The following ABTB2 variants were observed in gnomAD, a reference collection of about 807,000 sequenced individuals.
ABTB2 encodes the protein ankyrin repeat and BTB domain containing 2.
In ABTB2, 56 loss-of-function variants were observed where a neutral mutation model predicts 104.1. The observed-to-expected ratio is 0.54, with a 90% CI of 0.43 to 0.67. ABTB2 has a LOEUF of 0.67. Ranked by LOEUF, ABTB2 falls within the 30% of genes least tolerant of loss-of-function variation. The probability of loss-of-function intolerance (pLI) is 0.00; values close to 1 mark genes in which losing one functional copy is unlikely to be tolerated. For missense variants in ABTB2, 1,279 were observed against 1,407.7 expected (o/e 0.91, Z 1.46); for synonymous variants, 606 against 608.2 (o/e 1.00, Z 0.05).
chr11:34,198,811 G>A (rs927459472), intron 2 of ABTB2, among the ~76,000 whole-genome samples: 4 of 152,226 alleles, frequency 2.6e-5, no homozygotes, highest in Non-Finnish European at 5.9e-5. Context: ...AGGAGCCCTG[G>A]CACCTGCAGG....
At chr11:34,193,444 T>C (rs1338933803) in intron 3 of ABTB2, among the ~76,000 whole-genome samples, 1 of 152,158 alleles carries the variant, frequency 6.6e-6, no homozygotes, top group Non-Finnish European at 1.5e-5. Context: ...CTCAGTGCTG[T>C]AGGATCAGGT....
intron 9 of ABTB2, 121 bp downstream of exon 9, chr11:34,164,565 C>T (rs536930201): frequency 1.0e-5 from 12 of 1,200,160 alleles, no homozygotes; most frequent in African/African-American, 1.6e-5. Context: ...AGCACACAGG[C>T]CCCCTGTTTT....
chr11:34,335,091 C>T, intron 1 of ABTB2: 1 of 1,012,952 alleles, frequency 9.9e-7, no homozygotes, highest in South Asian at 1.3e-5. Context: ...ACAAATAATA[C>T]AGCAAATGAA....
intron 3 of ABTB2, among the ~76,000 whole-genome samples, chr11:34,185,936 C>G (rs1403152017): frequency 1.3e-5 from 2 of 152,220 alleles, no homozygotes; most frequent in Non-Finnish European, 2.9e-5. Flanking sequence ...CATTGTACCC[C>G]ATAAACATAT....
intron 1 of ABTB2, among the ~76,000 whole-genome samples, chr11:34,293,913 A>G (rs772379673): frequency 1.2e-4 from 18 of 152,154 alleles, no homozygotes; most frequent in Non-Finnish European, 2.4e-4. Context: ...TTTAATAGAG[A>G]CAGGGTTTCA....
chr11:34,310,014 A>G (rs1161155134), intron 1 of ABTB2, among the ~76,000 whole-genome samples: 3 of 152,206 alleles, frequency 2.0e-5, no homozygotes, highest in Admixed American at 2.0e-4. Context: ...CCTAGCGATC[A>G]CTTGGGCTTG....
intron 9 of ABTB2, 56 bp downstream of exon 9, chr11:34,164,630 T>A (rs1246646469): frequency 1.4e-6 from 2 of 1,403,544 alleles, no homozygotes; most frequent in Admixed American, 3.8e-5. Flanking sequence ...CTGAGGCTCC[T>A]GTGAGCTTAG....
chr11:34,282,103 A>G (rs114152048), intron 1 of ABTB2, among the ~76,000 whole-genome samples: 2,307 of 152,266 alleles, frequency 0.015, 61 homozygotes, highest in African/African-American at 0.052. Flanking sequence ...TAAGTGTCCA[A>G]TGAGGGCCTG....
rs533463029 is a variant in ABTB2, at chr11:34,162,769, C to G, written c.2025G>C (p.Gln675His). 3.1e-6 allele frequency: 5 copies of G among 1,607,718 alleles called. No individual in the cohort carries two copies. The highest frequency in any genetic ancestry group is 4.2e-6 in the Non-Finnish European group (5 of 1,179,960). Residue 675 changes from glutamine (Q) to histidine (H), a missense_variant, in exon 10 of 17, where the codon CAG becomes CAC. Physicochemically the swap from Gln to His is conservative, Grantham distance 24. Transcript: ENST00000435224. The stretch of plus-strand genomic sequence containing the variant: ...CCAGGGACAGCACGTCCGCTTTAGC[C>G]TGCTGTGGCTGCGTCAGGAGCTTCC... ...VLRKLLTQPQ[Q>H]AKADVLSLEE... is the part of the protein sequence containing the mutation.
intron 11 of ABTB2, 67 bp from the exon 12 acceptor site, chr11:34,160,420 G>C: frequency 2.6e-6 from 3 of 1,161,268 alleles, no homozygotes; most frequent in Non-Finnish European, 2.6e-6. Flanking sequence ...ATGCAGATAC[G>C]TCAGGCTAAT....
rs1219081707 is a variant in ABTB2 at position 34,165,365 on chromosome 11, G to A, written c.1756-9C>T. 3 of 1,581,432 alleles carry A rather than the reference G, an allele frequency of 1.9e-6. No homozygotes were observed. Among genetic ancestry groups the A allele is most frequent in the Admixed American group, 3.6e-5 (2 of 55,388 alleles). On this transcript the variant is annotated splice_polypyrimidine_tract_variant and intron_variant, in intron 7 of 16. Coordinates refer to ENST00000435224, the MANE Select transcript of ABTB2 (RefSeq NM_145804.3). ...CCAGCATCCAGCAGCAACTGCCAGG[G>A]GCACAGAGGAGGAGGGCACTGCTCA... is the stretch of plus-strand genomic sequence containing the variant.
intron 1 of ABTB2, among the ~76,000 whole-genome samples, chr11:34,261,082 C>T (rs1200222984): frequency 6.6e-6 from 1 of 152,018 alleles, no homozygotes; most frequent in Non-Finnish European, 1.5e-5. Flanking sequence ...GAGATTGTAC[C>T]ACTGCACTCC....
intron 1 of ABTB2, among the ~76,000 whole-genome samples, chr11:34,294,694 A>AGC (rs1291819638): frequency 1.3e-5 from 2 of 151,560 alleles, no homozygotes; most frequent in African/African-American, 4.9e-5. Context: ...CAACATAGTG[A>AGC]GCCCTCGTGT....
At position 34,197,365 on chromosome 11, in the gene ABTB2, G is replaced by T; in HGVS notation, c.1204C>A (p.Pro402Thr). 3 of 1,613,964 alleles carry T rather than the reference G, an allele frequency of 1.9e-6. No homozygotes were observed. The highest frequency in any genetic ancestry group is 2.5e-6 in the Non-Finnish European group (3 of 1,179,968). The change falls in exon 3 of 17, where the codon CCC (proline) becomes ACC (threonine). Residue 402 changes from proline (P) to threonine (T), a missense_variant. Pro to Thr is a conservative substitution (Grantham distance 38). Coordinates refer to ENST00000435224, the MANE Select transcript of ABTB2 (RefSeq NM_145804.3). ...RCPQMESMEN[P>T]NLDPPRMTLN... ...GTCATTCTCGGGGGGTCCAGGTTGG[G>T]GTTCTCCATGGACTCCATCTGTGGA...
intron 10 of ABTB2, among the ~76,000 whole-genome samples, chr11:34,162,077 G>A (rs1590202829): frequency 6.6e-6 from 1 of 152,350 alleles, no homozygotes; most frequent in Middle Eastern, 3.4e-3. Context: ...GGTGGGAGTT[G>A]AGGCTTGGAG....
chr11:34,155,165 G>C (rs937154101), intron 14 of ABTB2, among the ~76,000 whole-genome samples: 6 of 152,238 alleles, frequency 3.9e-5, no homozygotes, highest in African/African-American at 1.2e-4. Context: ...GCCTGGCCCC[G>C]TGTGGCTCAT....
At position 34,174,952 on chromosome 11, in the gene ABTB2, G is replaced by C. The variant is rs555743418; in HGVS notation, c.1245-1645C>G. On this transcript the variant is annotated intron_variant, in intron 3 of 16. Transcript: ENST00000435224. Reference sequence around the variant, plus strand: ...AGCCAGGGAGCGGGCAGGCAGCCAGGGGCAGGCGGCCAGGCCTCCAGCCAC... The same window carrying C: ...AGCCAGGGAGCGGGCAGGCAGCCAGCGGCAGGCGGCCAGGCCTCCAGCCAC... Among the ~76,000 whole-genome samples, 21 of 152,388 alleles carry C rather than the reference G, an allele frequency of 1.4e-4. No homozygotes were observed. In the South Asian group the frequency reaches 3.7e-3, roughly 27 times the overall value.
At chr11:34,177,437 A>G (rs1387528046) in intron 3 of ABTB2, among the ~76,000 whole-genome samples, 1 of 152,186 alleles carries the variant, frequency 6.6e-6, no homozygotes, top group Non-Finnish European at 1.5e-5. Context: ...GGGATTCTGG[A>G]AATTAGGTTT....
chr11:34,302,434 A>C (rs1590247972), intron 1 of ABTB2, among the ~76,000 whole-genome samples: 1 of 152,336 alleles, frequency 6.6e-6, no homozygotes, highest in South Asian at 2.1e-4. Flanking sequence ...TTCATCAAGG[A>C]ATACTCTACT....
Sources: allele counts gnomAD v4.1 joint callset (sites outside exome capture counted in the v4.1 genomes callset), GRCh38; gene constraint gnomAD v4.1.1; transcripts MANE v1.5; gene names NCBI Gene and HGNC (gene_info 2026-07-23, HGNC 2026-07-21).